The following MAPK4 variants were observed in gnomAD, a reference collection of about 807,000 sequenced individuals.
MAPK4 encodes the protein mitogen-activated protein kinase 4.
A neutral mutation model predicts 47.7 loss-of-function variants in MAPK4; 22 were observed. The ratio of observed to expected loss-of-function variants is 0.46; its 90% confidence interval spans 0.33 to 0.66. The LOEUF is 0.66. Among genes scored for constraint, MAPK4 ranks in the 30% least tolerant of loss-of-function variants. The pLI is 0.02. For missense variants in MAPK4, 736 were observed against 831.7 expected, an observed-to-expected ratio of 0.88 and a Z score of 1.42; for synonymous variants, 390 against 365.7, an observed-to-expected ratio of 1.07 and a Z score of -0.76.
intron 1 of MAPK4, among the ~76,000 whole-genome samples, chr18:50,660,719 A>G (rs1175441389): frequency 6.6e-6 from 1 of 152,218 alleles, no homozygotes; most frequent in Non-Finnish European, 1.5e-5. Context: ...ATTCTGAATG[A>G]TAGGATTTCA....
chr18:50,608,127 G>A (rs958850281), intron 1 of MAPK4, among the ~76,000 whole-genome samples: 2 of 152,096 alleles, frequency 1.3e-5, no homozygotes, highest in African/African-American at 2.4e-5. Context: ...TTGGAAACCA[G>A]GATTTACTTG....
Position 50,613,684 on chromosome 18 carries a change from G to A in MAPK4, c.-870-49405G>A, listed in dbSNP as rs115915265. On this transcript the variant is annotated intron_variant, in intron 1 of 5. Coordinates refer to ENST00000400384, the MANE Select transcript of MAPK4 (RefSeq NM_002747.4). The stretch of plus-strand genomic sequence containing the variant: ...CACTGATTGTCTCAAAACAATCCTT[G>A]TGTGACACATAGTTCTACAGAGATT... 9.4e-3 allele frequency among the ~76,000 whole-genome samples: 1,429 copies of A among 152,300 alleles called. 22 individuals carry two copies. Among genetic ancestry groups the A allele is most frequent in the African/African-American group, 0.032 (1,346 of 41,554 alleles).
chr18:50,659,758 G>T (rs2144236990), intron 1 of MAPK4, among the ~76,000 whole-genome samples: 2 of 152,306 alleles, frequency 1.3e-5, no homozygotes, highest in South Asian at 4.1e-4. Flanking sequence ...TCTTGTGAGA[G>T]TTCCATGCAT....
chr18:50,667,139 C>A (rs1258933320), intron 2 of MAPK4, among the ~76,000 whole-genome samples: 2 of 152,154 alleles, frequency 1.3e-5, no homozygotes, highest in African/African-American at 4.8e-5. Flanking sequence ...TTTCCCCATC[C>A]CATCATGGGT....
intron 2 of MAPK4, among the ~76,000 whole-genome samples, chr18:50,692,765 A>T (rs1045726270): frequency 2.0e-5 from 3 of 152,040 alleles, no homozygotes; most frequent in African/African-American, 7.2e-5. Context: ...GAATAATGAC[A>T]CCTGTTTCCA....
rs369990219 is a variant in MAPK4, at chr18:50,664,127, C to T, written c.169C>T (p.Arg57Cys). The T allele has an allele frequency of 1.8e-5, 29 of 1,613,986 alleles. No homozygotes were observed. Among genetic ancestry groups the T allele is most frequent in the Middle Eastern group, 1.6e-4 (1 of 6,084 alleles). ...GAAGAAGATTGCCCTGAGCGATGCC[C>T]GCAGCATGAAGCACGCGCTCCGAGA... ...AVKKIALSDARSMKHALREIK... is the reference protein window; with the variant it reads ...AVKKIALSDACSMKHALREIK... The change falls in exon 2 of 6, where the codon CGC becomes TGC. Residue 57 changes from arginine (R) to cysteine (C), a missense_variant. Around this residue, in one of 3 missense-constraint regions of MAPK4, gnomAD observed 327 missense variants for 395.4 expected, o/e 0.83. Coordinates refer to ENST00000400384, the MANE Select transcript of MAPK4 (RefSeq NM_002747.4). The surrounding 1 kb of genome is among the most constrained non-coding windows in gnomAD (Gnocchi z 6.0).
chr18:50,567,768 T>G (rs574372048), intron 1 of MAPK4, among the ~76,000 whole-genome samples: 5 of 151,472 alleles, frequency 3.3e-5, no homozygotes. Context: ...GGGTGTGGTG[T>G]TTGTTGTTGT....
At chr18:50,589,334 C>T (rs1241279208) in intron 1 of MAPK4, among the ~76,000 whole-genome samples, 2 of 152,172 alleles carry the variant, frequency 1.3e-5, no homozygotes, top group Non-Finnish European at 2.9e-5. Flanking sequence ...TTAACTCTAA[C>T]GCCTGTAATC....
chr18:50,669,447 G>A (rs1442643717), intron 2 of MAPK4: 1 of 152,224 alleles, frequency 6.6e-6, no homozygotes, highest in African/African-American at 2.4e-5. Flanking sequence ...TCCAGGAAGG[G>A]CCACCTCTCC....
intron 1 of MAPK4, among the ~76,000 whole-genome samples, chr18:50,567,603 A>C (rs1020050474): frequency 6.6e-6 from 1 of 152,232 alleles, no homozygotes; most frequent in African/African-American, 2.4e-5. Context: ...AAATTTCACC[A>C]CACCATTGAT....
At chr18:50,666,049 G>A (rs1280143017) in intron 2 of MAPK4, among the ~76,000 whole-genome samples, 1 of 152,164 alleles carries the variant, frequency 6.6e-6, no homozygotes, top group African/African-American at 2.4e-5. Context: ...TTATATGTGG[G>A]ATGCACAAAA....
chr18:50,673,728 C>T (rs541292881), intron 2 of MAPK4, among the ~76,000 whole-genome samples: 11 of 151,868 alleles, frequency 7.2e-5, no homozygotes, highest in East Asian at 5.8e-4. Flanking sequence ...TGGTGGCGGG[C>T]GCCTGTAGTC....
At position 50,712,879 on chromosome 18, in the gene MAPK4, T is replaced by G. The variant is rs894740583; in HGVS notation, c.547-2200T>G. Among the ~76,000 whole-genome samples, 9 of 152,332 alleles carry G rather than the reference T, an allele frequency of 5.9e-5. No individual in the cohort carries two copies. The South Asian group carries it at 1.7e-3, about 28-fold the overall frequency. On this transcript the variant is annotated intron_variant, in intron 2 of 5. Coordinates refer to ENST00000400384, the MANE Select transcript of MAPK4 (RefSeq NM_002747.4). Reference sequence around the variant, plus strand: ...CTGACTGAAAATAAAACCAGACTATTTTTTTAGAACCCACCCACCTAAAAA... The same window carrying G: ...CTGACTGAAAATAAAACCAGACTATGTTTTTAGAACCCACCCACCTAAAAA...
intron 2 of MAPK4, among the ~76,000 whole-genome samples, chr18:50,682,261 T>C (rs1437382746): frequency 6.6e-6 from 1 of 152,184 alleles, no homozygotes; most frequent in East Asian, 1.9e-4. Flanking sequence ...TAAGAGATAA[T>C]TTGAATACCT....
At chr18:50,674,524 C>T (rs781012045) in intron 2 of MAPK4, among the ~76,000 whole-genome samples, 3 of 152,188 alleles carry the variant, frequency 2.0e-5, no homozygotes, top group Non-Finnish European at 1.5e-5. Context: ...TCCACTCCCT[C>T]GTGTTGTAAC....
chr18:50,566,416 G>A (rs1309374572), intron 1 of MAPK4, among the ~76,000 whole-genome samples: 2 of 152,224 alleles, frequency 1.3e-5, no homozygotes, highest in African/African-American at 4.8e-5. Context: ...GGCTTGCCAA[G>A]GTCACACAGA....
intron 1 of MAPK4, among the ~76,000 whole-genome samples, chr18:50,656,971 A>G (rs2043116687): frequency 6.6e-6 from 1 of 152,216 alleles, no homozygotes; most frequent in Non-Finnish European, 1.5e-5. Context: ...TCTTGGCAAG[A>G]AAGCTGGAGG....
intron 4 of MAPK4, 124 bp downstream of exon 4, chr18:50,722,223 A>T: frequency 9.0e-7 from 1 of 1,115,128 alleles, no homozygotes; most frequent in Non-Finnish European, 1.2e-6. Flanking sequence ...TATAAAAGTC[A>T]AGGCTCCCCT....
chr18:50,581,726 C>G (rs777361023), intron 1 of MAPK4, among the ~76,000 whole-genome samples: 1 of 152,130 alleles, frequency 6.6e-6, no homozygotes. Context: ...CTGGGGAACT[C>G]CATGCACCTG....
Sources: gnomAD v4.1 joint callset for allele counts (sites outside exome capture counted in the v4.1 genomes callset) on GRCh38, gnomAD v4.1.1 for gene constraint, gnomAD v4.1.1 regional missense constraint, Gnocchi (gnomAD v3.1) non-coding constraint, MANE v1.5 for transcripts, NCBI Gene and HGNC (gene_info 2026-07-23, HGNC 2026-07-21) for gene names.